Variants in UTP18 observed in about 807,000 individuals in gnomAD.
UTP18 encodes the protein UTP18 small subunit processome component.
A neutral mutation model predicts 61.1 loss-of-function variants in UTP18; 36 were observed. The observed-to-expected ratio is 0.59, with a 90% CI of 0.45 to 0.78. UTP18 has a LOEUF of 0.78. Among genes scored for constraint, UTP18 ranks in the 30% least tolerant of loss-of-function variants. The pLI is 0.00. For missense variants in UTP18, 753 were observed against 693.9 expected (o/e 1.09, Z -0.96); for synonymous variants, 282 against 251.1 (o/e 1.12, Z -1.16).
chr17:51,275,874 C>T lies in UTP18; in HGVS notation c.720C>T (p.Asn240=). The T allele has an allele frequency of 6.2e-7, 1 of 1,600,334 alleles. No individual in the cohort carries two copies. The highest frequency in any genetic ancestry group is 8.5e-7 in the Non-Finnish European group (1 of 1,175,774). ...GCTTTCATTTCCTATAGATGAAGAA[C>T]TGCCAGCATGCGAATGCTGAACGTC... ...SLPRGILKMK[N]CQHANAERPT... The change falls in exon 6 of 14, where the codon AAC becomes AAT. Residue 240 remains asparagine, a synonymous_variant. Coordinates refer to ENST00000225298, the MANE Select transcript of UTP18 (RefSeq NM_016001.3).
At chr17:51,283,140 A>G (rs958211680) in intron 9 of UTP18, among the ~76,000 whole-genome samples, 7 of 147,684 alleles carry the variant, frequency 4.7e-5, no homozygotes, top group Non-Finnish European at 8.9e-5. Flanking sequence ...AAGTGCTAGG[A>G]TTACAGGCGT....
At chr17:51,278,787 A>G (rs1236166856) in intron 7 of UTP18, among the ~76,000 whole-genome samples, 2 of 152,196 alleles carry the variant, frequency 1.3e-5, no homozygotes, top group East Asian at 3.8e-4. Context: ...TTTATTCAGA[A>G]ATTTGGATTA....
At position 51,287,443 on chromosome 17, in the gene UTP18, A is replaced by T. The variant is rs1597852869; in HGVS notation, c.1329-586A>T. Among the ~76,000 whole-genome samples, 3 of 152,268 alleles carry T rather than the reference A, an allele frequency of 2.0e-5. No individual in the cohort carries two copies. The East Asian group carries it at 5.8e-4, about 29-fold the overall frequency. ...ATGGCAGTGGGGGAATAAGCAAAGG[A>T]TGTTTGTAATGTATTTGATAAGTGC... On this transcript the variant is annotated intron_variant, in intron 10 of 13. Coordinates refer to ENST00000225298, the MANE Select transcript of UTP18 (RefSeq NM_016001.3).
chr17:51,265,131 G>A (rs1264178760), intron 2 of UTP18, among the ~76,000 whole-genome samples: 2 of 152,052 alleles, frequency 1.3e-5, no homozygotes, highest in Non-Finnish European at 2.9e-5. Flanking sequence ...GTGCATAGAA[G>A]TTTTGAATTT....
In UTP18 at chr17:51,260,569, C is replaced by G; in HGVS notation, c.-16C>G. ...AGGTTCCACGTGAGCGCCTGCGTTTCTCCTCAAACCTAACGATGCCGCCGG... is the reference window on the plus strand; with the variant it reads ...AGGTTCCACGTGAGCGCCTGCGTTTGTCCTCAAACCTAACGATGCCGCCGG... On this transcript the variant is annotated 5_prime_UTR_variant, in exon 1 of 14. Coordinates refer to ENST00000225298, the MANE Select transcript of UTP18 (RefSeq NM_016001.3). The G allele has an allele frequency of 6.2e-7, 1 of 1,604,362 alleles. No homozygotes were observed. The highest frequency in any genetic ancestry group is 8.5e-7 in the Non-Finnish European group (1 of 1,176,954).
At chr17:51,287,822 C>T (rs558131701) in intron 10 of UTP18, among the ~76,000 whole-genome samples, 9 of 152,240 alleles carry the variant, frequency 5.9e-5, no homozygotes, top group African/African-American at 2.2e-4. Flanking sequence ...TTCAAGAAGT[C>T]AACAGAAGGG....
intron 11 of UTP18, among the ~76,000 whole-genome samples, chr17:51,289,816 A>G (rs1438855145): frequency 2.6e-5 from 4 of 152,250 alleles, no homozygotes; most frequent in Admixed American, 6.5e-5. Context: ...GTATTAGAAT[A>G]TATCGTTTAC....
At chr17:51,268,668 G>A (rs920642367) in intron 3 of UTP18, among the ~76,000 whole-genome samples, 169 bp from the exon 4 acceptor site, 19 of 152,204 alleles carry the variant, frequency 1.2e-4, no homozygotes, top group Non-Finnish European at 2.8e-4. Context: ...GGTTGGGACT[G>A]TTCTGTGTGA....
intron 4 of UTP18, among the ~76,000 whole-genome samples, chr17:51,269,342 T>C (rs545265582): frequency 6.6e-6 from 1 of 151,192 alleles, no homozygotes; most frequent in African/African-American, 2.4e-5. Flanking sequence ...AAAATCTGTT[T>C]TTTGACTGTA....
chr17:51,281,454 T>G (rs972023155), intron 9 of UTP18, among the ~76,000 whole-genome samples: 9 of 152,174 alleles, frequency 5.9e-5, no homozygotes, highest in Non-Finnish European at 1.2e-4. Flanking sequence ...CACTTGGTTT[T>G]CAGGAAACCT....
intron 11 of UTP18, among the ~76,000 whole-genome samples, chr17:51,291,502 A>G (rs1905237942): frequency 6.6e-6 from 1 of 152,206 alleles, no homozygotes; most frequent in Admixed American, 6.5e-5. Context: ...TGAGAGGTCA[A>G]GGTGAGAGGA....
intron 5 of UTP18, among the ~76,000 whole-genome samples, chr17:51,275,309 A>G (rs538020214): frequency 6.6e-6 from 1 of 152,302 alleles, no homozygotes; most frequent in Admixed American, 6.5e-5. Context: ...GGAAACCTGT[A>G]AAAACAAAAT....
In UTP18 at chr17:51,280,412, G is replaced by T; in HGVS notation, c.1137G>T (p.Met379Ile). 2 of 1,614,186 alleles carry T rather than the reference G, an allele frequency of 1.2e-6. No individual in the cohort carries two copies. ...AGACCAAAGAACTGATTGGAAGCATGAAAATTAATGGAAGGGTTGCAGCAT... is the reference window on the plus strand; with the variant it reads ...AGACCAAAGAACTGATTGGAAGCATTAAAATTAATGGAAGGGTTGCAGCAT... ...AMKTKELIGSMKINGRVAAST... is the reference protein window; with the variant it reads ...AMKTKELIGSIKINGRVAAST... Residue 379 changes from methionine to isoleucine, a missense_variant, in exon 9 of 14, where the codon ATG becomes ATT. Met to Ile is a conservative substitution (Grantham distance 10). Coordinates refer to ENST00000225298, the MANE Select transcript of UTP18 (RefSeq NM_016001.3).
At position 51,260,851 on chromosome 17, in the gene UTP18, G is replaced by A. The variant is rs552807860; in HGVS notation, c.267G>A (p.Arg89=). 4.9e-5 allele frequency: 78 copies of A among 1,601,088 alleles called. 1 individual carries two copies. The South Asian group carries it at 8.3e-4, about 17-fold the overall frequency. Residue 89 remains arginine, a synonymous_variant, in exon 1 of 14, where the codon CGG becomes CGA. Coordinates refer to ENST00000225298, the MANE Select transcript of UTP18 (RefSeq NM_016001.3). ...AGGAGGACAAACCGGCCGTGGAGCG[G>A]TGCTTGGAGGAGCTGGTCTTCGGCG... ...RLEEDKPAVE[R]CLEELVFGDV... is the part of the protein sequence containing the mutation.
intron 1 of UTP18, 24 bp downstream of exon 1, chr17:51,260,950 G>A (rs953725339): frequency 2.0e-5 from 30 of 1,497,802 alleles, no homozygotes; most frequent in East Asian, 2.8e-5. Flanking sequence ...CGGCGCGCGG[G>A]CTGGGCGCAC....
At chr17:51,272,308 A>G (rs1904556252) in intron 4 of UTP18, among the ~76,000 whole-genome samples, 1 of 152,100 alleles carries the variant, frequency 6.6e-6, no homozygotes, top group Non-Finnish European at 1.5e-5. Flanking sequence ...CATGTTGGCC[A>G]GGTTGATCTC....
Position 51,263,340 on chromosome 17 carries a change from CAAAAG to C in UTP18, c.412_416del (p.Lys138AlafsTer6). Reference sequence around the variant, plus strand: ...TGAAGCAAAAGGTAATTTTCCACCTCAAAAGAAGCCAGTTTGGGTGGATGAAGAAG... The same window carrying C: ...TGAAGCAAAAGGTAATTTTCCACCTCAAGCCAGTTTGGGTGGATGAAGAAG... On this transcript the variant is annotated frameshift_variant, in exon 2 of 14. Coordinates refer to ENST00000225298, the MANE Select transcript of UTP18 (RefSeq NM_016001.3). LOFTEE classifies it high-confidence loss of function. 1.2e-6 allele frequency: 2 copies of C among 1,614,140 alleles called. No individual in the cohort carries two copies. Among genetic ancestry groups the C allele is most frequent in the Non-Finnish European group, 1.7e-6 (2 of 1,180,012 alleles).
At chr17:51,279,266 G>A (rs1252823795) in intron 7 of UTP18, among the ~76,000 whole-genome samples, 2 of 152,084 alleles carry the variant, frequency 1.3e-5, no homozygotes, top group African/African-American at 4.8e-5. Flanking sequence ...CATCCTGTTA[G>A]GTAACTTTTT....
At chr17:51,295,221 A>G (rs915483226) in intron 12 of UTP18, among the ~76,000 whole-genome samples, 1 of 152,142 alleles carries the variant, frequency 6.6e-6, no homozygotes, top group African/African-American at 2.4e-5. Context: ...CCATTTGTCA[A>G]TTTTGGCTTT....
Sources: allele counts gnomAD v4.1 joint callset (sites outside exome capture counted in the v4.1 genomes callset), GRCh38; gene constraint gnomAD v4.1.1; transcripts MANE v1.5; gene names NCBI Gene and HGNC (gene_info 2026-07-23, HGNC 2026-07-21).